PTPRT: variants seen among roughly 807,000 people sequenced by gnomAD.
PTPRT encodes protein tyrosine phosphatase receptor type T.
Under a neutral mutation model 176.8 loss-of-function variants are expected in PTPRT, and 56 were observed. The ratio of observed to expected loss-of-function variants is 0.32; its 90% CI spans 0.26 to 0.40. PTPRT has a LOEUF of 0.40. Among genes scored for constraint, PTPRT ranks in the 10% least tolerant of loss-of-function variants. The probability of loss-of-function intolerance (pLI) is 1.00; values close to 1 mark genes in which losing one functional copy is unlikely to be tolerated. For synonymous variants in PTPRT, 783 were observed against 739.0 expected (o/e 1.06, Z -0.96); for missense variants, 1,540 against 1,908.2 (o/e 0.81, Z 3.60).
chr20:42,182,369 T>G (rs1168647897), intron 16 of PTPRT, among the ~76,000 whole-genome samples: 1 of 152,160 alleles, frequency 6.6e-6, no homozygotes, highest in African/African-American at 2.4e-5. Flanking sequence ...CTTCTGCTGA[T>G]GGATCAATAT....
At position 42,166,055 on chromosome 20, in the gene PTPRT, G is replaced by A. The variant is rs191864208; in HGVS notation, c.2492-4513C>T. On this transcript the variant is annotated intron_variant, in intron 16 of 30. Transcript: ENST00000373187. ...TCACACAAAAGCTTTGAAATCCAAC[G>A]TGTATTTTACACTTACAGCACATTT... is the stretch of plus-strand genomic sequence containing the variant. 3.3e-5 allele frequency among the ~76,000 whole-genome samples: 5 copies of A among 152,168 alleles called. 1 individual carries two copies. Among genetic ancestry groups the A allele is most frequent in the South Asian group, 4.2e-4 (2 of 4,810 alleles).
At chr20:43,163,218 G>A (rs1302907431) in intron 1 of PTPRT, among the ~76,000 whole-genome samples, 1 of 152,224 alleles carries the variant, frequency 6.6e-6, no homozygotes, top group Non-Finnish European at 1.5e-5. Flanking sequence ...AATGCACAGA[G>A]TGCTCACTTT....
Position 42,771,516 on chromosome 20 carries a change from C to T in PTPRT, c.603G>A (p.Val201=). 6.2e-7 allele frequency: 1 copy of T among 1,614,168 alleles called. No individual in the cohort carries two copies. The highest frequency in any genetic ancestry group is 2.2e-5 in the East Asian group (1 of 44,872). ...KAPHFLRLQN[V]EVNVGQNATF... ...TGGCATTCTGCCCCACATTCACCTC[C>T]ACGTTTTGGAGTCGCAGAAAATGAG... The change falls in exon 5 of 31, where the codon GTG becomes GTA. Residue 201 remains valine (V), a synonymous_variant. Transcript: ENST00000373187.
rs566679425 is a variant in PTPRT, at chr20:42,102,372, A to G, written c.3541-75T>C. 495 of 1,463,980 alleles carry G rather than the reference A, an allele frequency of 3.4e-4. 1 individual carries two copies. In the African/African-American group the frequency reaches 6.1e-3, roughly 18 times the overall value. The allele number at this position is 1,463,980 out of a possible 1,614,324, so 90.7% of individuals were successfully genotyped here. ...TGAGCAAAAGAGACAGTAATGTTCC[A>G]ACTCAGCCTAACTCGCCTATTTCCA... On this transcript the variant is annotated intron_variant, in intron 25 of 30. Coordinates refer to ENST00000373187, the MANE Select transcript of PTPRT (RefSeq NM_007050.6).
intron 7 of PTPRT, among the ~76,000 whole-genome samples, chr20:42,567,340 G>A (rs537231867): frequency 6.6e-6 from 1 of 151,902 alleles, no homozygotes; most frequent in Non-Finnish European, 1.5e-5. Flanking sequence ...TAGCTGTATT[G>A]AGCCATTGTG....
chr20:42,742,739 G>C (rs971469049), intron 6 of PTPRT, among the ~76,000 whole-genome samples: 1 of 152,154 alleles, frequency 6.6e-6, no homozygotes, highest in Non-Finnish European at 1.5e-5. Flanking sequence ...GTATGAAGCA[G>C]GTCCCACACT....
chr20:43,058,269 A>G (rs1987320878), intron 1 of PTPRT, among the ~76,000 whole-genome samples: 1 of 152,090 alleles, frequency 6.6e-6, no homozygotes, highest in Admixed American at 6.6e-5. Flanking sequence ...CAGAGAGACA[A>G]AGAGATATGA....
intron 13 of PTPRT, among the ~76,000 whole-genome samples, chr20:42,274,503 C>T (rs938670751): frequency 6.7e-6 from 1 of 149,870 alleles, no homozygotes; most frequent in African/African-American, 2.5e-5. Flanking sequence ...GGATTCATTA[C>T]CCTTCTCTCT....
At chr20:42,920,408 T>G (rs746925303) in intron 1 of PTPRT, among the ~76,000 whole-genome samples, 2 of 150,738 alleles carry the variant, frequency 1.3e-5, no homozygotes, top group South Asian at 2.1e-4. Flanking sequence ...GGGAGGGAAG[T>G]TGAGGGGAGG....
At chr20:43,076,488 G>A (rs1188029537) in intron 1 of PTPRT, among the ~76,000 whole-genome samples, 1 of 151,768 alleles carries the variant, frequency 6.6e-6, no homozygotes, top group Non-Finnish European at 1.5e-5. Flanking sequence ...TTACTTTGAT[G>A]TGGTCTTCAA....
At chr20:42,145,411 A>C (rs1374599925) in intron 17 of PTPRT, among the ~76,000 whole-genome samples, 1 of 152,110 alleles carries the variant, frequency 6.6e-6, no homozygotes, top group Non-Finnish European at 1.5e-5. Context: ...GAGGCAGAAG[A>C]ATTGCTTGAA....
intron 9 of PTPRT, among the ~76,000 whole-genome samples, chr20:42,442,733 C>T (rs547771091): frequency 7.9e-5 from 12 of 152,310 alleles, no homozygotes; most frequent in East Asian, 3.9e-4. Context: ...TGGACGAAGA[C>T]GAGAACAATT....
At chr20:42,179,540 G>A (rs16986628) in intron 16 of PTPRT, among the ~76,000 whole-genome samples, 3,420 of 152,196 alleles carry the variant, frequency 0.022, 131 homozygotes, top group African/African-American at 0.078. Flanking sequence ...GTAATAAAAC[G>A]CTAATTAAGT....
At chr20:42,172,132 A>T (rs1770090601) in intron 16 of PTPRT, among the ~76,000 whole-genome samples, 1 of 152,228 alleles carries the variant, frequency 6.6e-6, no homozygotes, top group Non-Finnish European at 1.5e-5. Context: ...TGACAGAAAA[A>T]GGATAGGTGG....
At chr20:42,301,992 C>A (rs575040260) in intron 12 of PTPRT, among the ~76,000 whole-genome samples, 7 of 152,196 alleles carry the variant, frequency 4.6e-5, no homozygotes, top group Admixed American at 1.3e-4. Context: ...AAGGTGAGAA[C>A]AATACATATG....
At chr20:42,864,349 G>T (rs1181260278) in intron 2 of PTPRT, among the ~76,000 whole-genome samples, 1 of 152,124 alleles carries the variant, frequency 6.6e-6, no homozygotes, top group African/African-American at 2.4e-5. Flanking sequence ...AGGGGAGAGG[G>T]GAGAGAGGAG....
In PTPRT at chr20:42,073,696, C is replaced by T. The variant is rs543408551; in HGVS notation, c.*7183G>A. 6.7e-5 allele frequency: 15 copies of T among 224,906 alleles called. No homozygotes were observed. In the South Asian group the frequency reaches 2.2e-3, roughly 33 times the overall value. The allele number at this position is 224,906 out of a possible 1,614,324, so 13.9% of individuals were successfully genotyped here. Reference sequence around the variant, plus strand: ...TGGATCAGCCCAGTATATGTGGCCACAACAGCATGTTGGCCTGCTCAGTGG... The same window carrying T: ...TGGATCAGCCCAGTATATGTGGCCATAACAGCATGTTGGCCTGCTCAGTGG... On this transcript the variant is annotated 3_prime_UTR_variant, in exon 31 of 31. Coordinates refer to ENST00000373187, the MANE Select transcript of PTPRT (RefSeq NM_007050.6).
chr20:42,323,741 C>T (rs1048699350), intron 11 of PTPRT, among the ~76,000 whole-genome samples: 1 of 151,428 alleles, frequency 6.6e-6, no homozygotes, highest in Non-Finnish European at 1.5e-5. Flanking sequence ...TGTACATGTA[C>T]CCTAAAACTT....
intron 2 of PTPRT, among the ~76,000 whole-genome samples, chr20:42,799,947 G>C (rs1422435211): frequency 6.6e-6 from 1 of 152,198 alleles, no homozygotes; most frequent in Non-Finnish European, 1.5e-5. Flanking sequence ...TCTGAAGAAG[G>C]GGTGGGAAGG....
Sources: allele counts gnomAD v4.1 joint callset (sites outside exome capture counted in the v4.1 genomes callset), GRCh38; gene constraint gnomAD v4.1.1; transcripts MANE v1.5; gene names NCBI Gene and HGNC (gene_info 2026-07-23, HGNC 2026-07-21).